HLCS: variants seen among roughly 807,000 people sequenced by gnomAD.
The protein encoded by HLCS is biotin--protein ligase.
HLCS carries 53 observed loss-of-function variants against 75.0 expected under a neutral mutation model. That is an observed-to-expected ratio of 0.71 (90% CI 0.57 to 0.89). HLCS has a LOEUF of 0.89. Among genes scored for constraint, HLCS ranks in the 40% least tolerant of loss-of-function variants. The probability of loss-of-function intolerance (pLI) is 0.00; values close to 1 mark genes in which losing one functional copy is unlikely to be tolerated. For synonymous variants in HLCS, 431 were observed against 428.6 expected (o/e 1.01, Z -0.07); for missense variants, 966 against 1,074.0 (o/e 0.90, Z 1.41).
chr21:36,760,152 T>TCCACCA (rs953511354), intron 8 of HLCS, among the ~76,000 whole-genome samples: 1 of 152,054 alleles, frequency 6.6e-6, no homozygotes, highest in Non-Finnish European at 1.5e-5. Flanking sequence ...TATGTCAGTA[T>TCCACCA]CCACCACCAC....
chr21:36,763,661 C>G (rs376438358), intron 8 of HLCS, among the ~76,000 whole-genome samples: 1 of 152,194 alleles, frequency 6.6e-6, no homozygotes, highest in Non-Finnish European at 1.5e-5. Context: ...TCAATCCAAT[C>G]ATTTCTCTTT....
At chr21:36,764,490 G>A (rs2089963834) in intron 8 of HLCS, among the ~76,000 whole-genome samples, 1 of 152,172 alleles carries the variant, frequency 6.6e-6, no homozygotes. Context: ...GACTGCTTGA[G>A]CTCAGGACTT....
At chr21:36,967,165 C>A (rs13046475), upstream of HLCS, among the ~76,000 whole-genome samples, 1 of 151,626 alleles carries the variant, frequency 6.6e-6, no homozygotes, top group Admixed American at 6.6e-5. Context: ...CCAACCTTTA[C>A]TAACCAGCAG....
intron 6 of HLCS, among the ~76,000 whole-genome samples, chr21:36,866,228 G>T (rs113826110): frequency 1.3e-5 from 2 of 150,136 alleles, no homozygotes; most frequent in Non-Finnish European, 3.0e-5. Flanking sequence ...GGTAAGGGAA[G>T]GGCAGAAATG....
At chr21:36,788,280 A>G (rs2060753624) in intron 6 of HLCS, among the ~76,000 whole-genome samples, 1 of 152,204 alleles carries the variant, frequency 6.6e-6, no homozygotes, top group South Asian at 2.1e-4. Context: ...TGCCGAGCTC[A>G]TGACTCAGCT....
chr21:36,866,591 C>T (rs946532898), intron 6 of HLCS, among the ~76,000 whole-genome samples: 1 of 152,210 alleles, frequency 6.6e-6, no homozygotes, highest in Non-Finnish European at 1.5e-5. Flanking sequence ...ATTTTCATGA[C>T]TGGGCAAATT....
chr21:36,828,527 A>G (rs1298700692), intron 6 of HLCS, among the ~76,000 whole-genome samples: 1 of 152,186 alleles, frequency 6.6e-6, no homozygotes, highest in East Asian at 1.9e-4. Flanking sequence ...AGAATAGCCT[A>G]TGAAGTAATT....
chr21:36,892,000 C>G (rs9631176), intron 6 of HLCS, among the ~76,000 whole-genome samples: 12 of 152,150 alleles, frequency 7.9e-5, no homozygotes, highest in Non-Finnish European at 1.2e-4. Flanking sequence ...TGGCAGAGCG[C>G]TGAGGCCTTT....
At chr21:36,760,954 G>A (rs1432848080) in intron 8 of HLCS, among the ~76,000 whole-genome samples, 3 of 152,246 alleles carry the variant, frequency 2.0e-5, no homozygotes, top group Non-Finnish European at 4.4e-5. Context: ...GCCATGTGTG[G>A]GTAAAGGAAG....
At chr21:36,939,187 C>T (rs1164348329) in intron 2 of HLCS, among the ~76,000 whole-genome samples, 193 bp from the exon 3 acceptor site, 2 of 152,198 alleles carry the variant, frequency 1.3e-5, no homozygotes, top group Non-Finnish European at 2.9e-5. Context: ...CTCTACCTGA[C>T]AACAGTGCTT....
chr21:36,982,646 A>G (rs930902791), intron 1 of HLCS, among the ~76,000 whole-genome samples: 6 of 152,256 alleles, frequency 3.9e-5, no homozygotes, highest in African/African-American at 1.4e-4. Flanking sequence ...AGCTAATTAC[A>G]GATCCCCTAT....
At chr21:36,864,395 C>CA (rs754420645) in intron 6 of HLCS, among the ~76,000 whole-genome samples, 4,515 of 127,106 alleles carry the variant, frequency 0.036, 216 homozygotes, top group African/African-American at 0.12. Context: ...GACTACGTCT[C>CA]AAAAAAAAAA....
intron 6 of HLCS, among the ~76,000 whole-genome samples, chr21:36,813,900 A>G (rs1347682227): frequency 6.6e-6 from 1 of 152,200 alleles, no homozygotes; most frequent in Non-Finnish European, 1.5e-5. Context: ...ATCTGACATA[A>G]TAAGCCCAAA....
upstream of HLCS, among the ~76,000 whole-genome samples, chr21:36,969,983 C>G (rs1004295497): frequency 2.0e-5 from 3 of 152,286 alleles, no homozygotes; most frequent in South Asian, 4.1e-4. Flanking sequence ...TCAACATGAC[C>G]GGCTTTCTAT....
intron 2 of HLCS, 91 bp from the exon 3 acceptor site, chr21:36,939,085 G>T: frequency 8.7e-7 from 1 of 1,154,398 alleles, no homozygotes; most frequent in South Asian, 1.5e-5. Context: ...TTTCCCTTGA[G>T]GCTCCTACCA....
chr21:36,804,376 C>T (rs1038590529), intron 6 of HLCS: 7 of 152,280 alleles, frequency 4.6e-5, no homozygotes, highest in Admixed American at 1.3e-4. Context: ...TGCTAAGTAA[C>T]TCGAATTACT....
intron 5 of HLCS, among the ~76,000 whole-genome samples, chr21:36,921,782 C>A (rs1176152311): frequency 6.6e-6 from 1 of 152,146 alleles, no homozygotes; most frequent in African/African-American, 2.4e-5. Flanking sequence ...CAGAGACCCA[C>A]CAGAGACACA....
intron 6 of HLCS, among the ~76,000 whole-genome samples, chr21:36,816,470 CAGG>C (rs945408676): frequency 1.3e-5 from 2 of 152,032 alleles, no homozygotes; most frequent in East Asian, 1.9e-4. Context: ...AGGAAATACA[CAGG>C]AGGAGTTCAG....
rs141485543 is a variant in HLCS at position 36,958,617 on chromosome 21, G to A, written c.330+3419C>T. Among the ~76,000 whole-genome samples, 1,174 of 152,036 alleles carry A rather than the reference G, an allele frequency of 7.7e-3. 12 individuals carry two copies. The highest frequency in any genetic ancestry group is 0.024 in the African/African-American group (1,008 of 41,452). ...CAGCCTGGGCAACACGGTGAAACCC[G>A]GTCTCTGCTAAAATACAAACAATTA... On this transcript the variant is annotated intron_variant, in intron 2 of 10. Coordinates refer to ENST00000674895, the MANE Select transcript of HLCS (RefSeq NM_001352514.2).
Sources: allele counts gnomAD v4.1 joint callset (sites outside exome capture counted in the v4.1 genomes callset), GRCh38; gene constraint gnomAD v4.1.1; transcripts MANE v1.5; gene names NCBI Gene and HGNC (gene_info 2026-07-23, HGNC 2026-07-21).